USP29: variants seen among roughly 807,000 people sequenced by gnomAD.
The protein encoded by USP29 is ubiquitin specific peptidase 29, also known as ubiquitin carboxyl-terminal hydrolase 29.
For missense variants in USP29, 1,102 were observed against 1,069.0 expected, an observed-to-expected ratio of 1.03 and a Z score of -0.43; for synonymous variants, 386 against 387.4, an observed-to-expected ratio of 1.00 and a Z score of 0.04.
At chr19:57,119,903 G>C (rs2086784534), upstream of USP29, 1 of 152,298 alleles carries the variant, frequency 6.6e-6, no homozygotes, top group African/African-American at 2.4e-5. Flanking sequence ...ATGTGCCCCG[G>C]CCACGCTAGA....
chr19:57,130,096 ATCTTT>A lies in USP29; in HGVS notation c.1427_1431del (p.Phe476Ter). On this transcript the variant is annotated frameshift_variant, in exon 4 of 4. Transcript: ENST00000254181. LOFTEE classifies it low-confidence loss of function (END_TRUNC). ...CCTTTGTCCATTCAGAATTCTTTAG[ATCTTT>A]TCTTTAAAGAAGAAGAGCTTGAATA... The A allele has an allele frequency of 3.7e-6, 6 of 1,613,516 alleles. No homozygotes were observed. Among genetic ancestry groups the A allele is most frequent in the Non-Finnish European group, 5.1e-6 (6 of 1,179,876 alleles).
In USP29 at chr19:57,131,106, A is replaced by G. The variant is rs1259680821; in HGVS notation, c.2431A>G (p.Thr811Ala). 6.2e-7 allele frequency: 1 copy of G among 1,614,228 alleles called. No individual in the cohort carries two copies. Among genetic ancestry groups the G allele is most frequent in the Admixed American group, 1.7e-5 (1 of 60,026 alleles). ...ENTRGEAKELTRNVKMGDPLQ... is the reference protein window; with the variant it reads ...ENTRGEAKELARNVKMGDPLQ... The stretch of plus-strand genomic sequence containing the variant: ...CACAAGAGGTGAAGCCAAGGAACTA[A>G]CAAGAAACGTGAAGATGGGGGATCC... Residue 811 changes from threonine (T) to alanine (A), a missense_variant, in exon 4 of 4, where the codon ACA becomes GCA. By Grantham distance (58) the Thr-to-Ala change is moderately conservative (BLOSUM62 0). Coordinates refer to ENST00000254181, the MANE Select transcript of USP29 (RefSeq NM_020903.3).
rs1327278636 is a variant in USP29, at chr19:57,131,583, G to T, written c.*139G>T. 1.4e-6 allele frequency: 2 copies of T among 1,384,754 alleles called. No individual in the cohort carries two copies. Among genetic ancestry groups the T allele is most frequent in the African/African-American group, 2.9e-5 (2 of 68,978 alleles). 85.8% of individuals were successfully genotyped at this position (1,384,754 alleles called of 1,614,324 possible). A position where few individuals can be genotyped will look rare whatever the true frequency, so the allele number is the denominator to read the frequency against. ...TCAATGAAAAACACTTATTTTGGGGGAATATCTATTTTAACTGCTTCAGAC... is the reference window on the plus strand; with the variant it reads ...TCAATGAAAAACACTTATTTTGGGGTAATATCTATTTTAACTGCTTCAGAC... On this transcript the variant is annotated 3_prime_UTR_variant, in exon 4 of 4. Coordinates refer to ENST00000254181, the MANE Select transcript of USP29 (RefSeq NM_020903.3).
Position 57,130,450 on chromosome 19 carries a change from T to C in USP29, c.1775T>C (p.Val592Ala), listed in dbSNP as rs746026163. ...KLTSESSDSL[V>A]LPVEPDKNAD... ...ACCTCAGAATCCAGTGATTCCCTGG[T>C]TCTACCCGTTGAACCAGACAAGAAT... The change falls in exon 4 of 4, where the codon GTT becomes GCT. Residue 592 changes from valine (V) to alanine (A), a missense_variant. Transcript: ENST00000254181. 23 of 1,614,058 alleles carry C rather than the reference T, an allele frequency of 1.4e-5. No homozygotes were observed. In the Admixed American group the frequency reaches 1.8e-4, roughly 13 times the overall value.
At chr19:57,121,952 A>AATAG (rs35338518) in intron 1 of USP29, among the ~76,000 whole-genome samples, 263 of 149,076 alleles carry the variant, frequency 1.8e-3, no homozygotes, top group South Asian at 4.0e-3. Flanking sequence ...TCTATTAAAA[A>AATAG]ATAGATAGAT....
rs2086861933 is a variant in USP29, at chr19:57,131,591, A to C, written c.*147A>C. On this transcript the variant is annotated 3_prime_UTR_variant, in exon 4 of 4. Coordinates refer to ENST00000254181, the MANE Select transcript of USP29 (RefSeq NM_020903.3). ...AAACACTTATTTTGGGGGAATATCT[A>C]TTTTAACTGCTTCAGACACCTAGAT... 1.5e-6 allele frequency: 2 copies of C among 1,314,170 alleles called. No individual in the cohort carries two copies. Among genetic ancestry groups the C allele is most frequent in the South Asian group, 1.6e-5 (1 of 61,862 alleles). The allele number at this position is 1,314,170 out of a possible 1,614,324, so 81.4% of individuals were successfully genotyped here. A position where few individuals can be genotyped will look rare whatever the true frequency, so the allele number is the denominator to read the frequency against.
rs2086855109 is a variant in USP29 at position 57,130,852 on chromosome 19, G to C, written c.2177G>C (p.Gly726Ala). 6.2e-7 allele frequency: 1 copy of C among 1,614,158 alleles called. No individual in the cohort carries two copies. Among genetic ancestry groups the C allele is most frequent in the Non-Finnish European group, 8.5e-7 (1 of 1,180,044 alleles). Reference sequence around the variant, plus strand: ...TGTAAAGAAAACAGGATTCCAGAAGGATCTCAAGGAATGGCTGAACAGCTC... The same window carrying C: ...TGTAAAGAAAACAGGATTCCAGAAGCATCTCAAGGAATGGCTGAACAGCTC... ...YDCKENRIPE[G>A]SQGMAEQLQQ... Residue 726 changes from glycine to alanine, a missense_variant, in exon 4 of 4, where the codon GGA becomes GCA. Physicochemically the swap from Gly to Ala is moderately conservative, Grantham distance 60 (BLOSUM62 0). Coordinates refer to ENST00000254181, the MANE Select transcript of USP29 (RefSeq NM_020903.3).
At position 57,130,019 on chromosome 19, in the gene USP29, A is replaced by G; in HGVS notation, c.1344A>G (p.Val448=). The G allele has an allele frequency of 1.2e-6, 2 of 1,614,204 alleles. No individual in the cohort carries two copies. Among genetic ancestry groups the G allele is most frequent in the Non-Finnish European group, 1.7e-6 (2 of 1,180,032 alleles). ...CTTGTGGTCATGCTGTTCTCAAGGTAGAACCTAATAATTATCTCTCCATCA... is the reference window on the plus strand; with the variant it reads ...CTTGTGGTCATGCTGTTCTCAAGGTGGAACCTAATAATTATCTCTCCATCA... The part of the protein sequence containing the change: ...CKACGHAVLK[V]EPNNYLSINL... Residue 448 remains valine (V), a synonymous_variant, in exon 4 of 4, where the codon GTA becomes GTG. Coordinates refer to ENST00000254181, the MANE Select transcript of USP29 (RefSeq NM_020903.3).
intron 1 of USP29, among the ~76,000 whole-genome samples, chr19:57,121,830 A>G (rs1412673492): frequency 6.6e-6 from 1 of 151,558 alleles, no homozygotes; most frequent in African/African-American, 2.4e-5. Context: ...GGACTTGAAC[A>G]TGTCTGGGCA....
chr19:57,126,275 C>G (rs1218061942), intron 3 of USP29, among the ~76,000 whole-genome samples: 1 of 152,110 alleles, frequency 6.6e-6, no homozygotes, highest in South Asian at 2.1e-4. Flanking sequence ...GTGGTATTCT[C>G]TGCATTTCCT....
rs1568456431 is a variant in USP29, at chr19:57,130,276, C to CT, written c.1604dup (p.Leu535PhefsTer9). ...AACGAGCAAGTTTATATTCCCAAAT[C>CT]TTTAAGTTTATCTTCTTATTGCAAT... is the stretch of plus-strand genomic sequence containing the variant. On this transcript the variant is annotated frameshift_variant, in exon 4 of 4. Transcript: ENST00000254181. LOFTEE classifies it low-confidence loss of function (END_TRUNC). The CT allele has an allele frequency of 4.3e-6, 7 of 1,614,082 alleles. No individual in the cohort carries two copies. Among genetic ancestry groups the CT allele is most frequent in the Non-Finnish European group, 1.7e-6 (2 of 1,180,016 alleles).
At chr19:57,122,223 G>C (rs150693090) in intron 1 of USP29, 102 bp from the exon 2 acceptor site, 1 of 152,054 alleles carries the variant, frequency 6.6e-6, no homozygotes, top group African/African-American at 2.4e-5. Context: ...ATCAAGAAAC[G>C]TATTTCCTGG....
In USP29 at chr19:57,131,607, A is replaced by G; in HGVS notation, c.*163A>G. ...GGAATATCTATTTTAACTGCTTCAG[A>G]CACCTAGATCCCAGAACTCAGGCGC... On this transcript the variant is annotated 3_prime_UTR_variant, in exon 4 of 4. Coordinates refer to ENST00000254181, the MANE Select transcript of USP29 (RefSeq NM_020903.3). 8.6e-7 allele frequency: 1 copy of G among 1,157,940 alleles called. No individual in the cohort carries two copies. The highest frequency in any genetic ancestry group is 1.2e-6 in the Non-Finnish European group (1 of 831,280). The allele number at this position is 1,157,940 out of a possible 1,614,324, so 71.7% of individuals were successfully genotyped here. A position where few individuals can be genotyped will look rare whatever the true frequency, so the allele number is the denominator to read the frequency against.
At position 57,130,910 on chromosome 19, in the gene USP29, A is replaced by T; in HGVS notation, c.2235A>T (p.Glu745Asp). The T allele has an allele frequency of 6.2e-7, 1 of 1,614,150 alleles. No individual in the cohort carries two copies. The highest frequency in any genetic ancestry group is 8.5e-7 in the Non-Finnish European group (1 of 1,180,024). The part of the protein sequence containing the change: ...QQCIEESIID[E>D]FLQQAPPPGV... ...GTATTGAGGAGAGCATCATAGATGA[A>T]TTTCTTCAGCAGGCACCACCTCCAG... is the stretch of plus-strand genomic sequence containing the variant. Residue 745 changes from glutamate (E) to aspartate (D), a missense_variant, in exon 4 of 4, where the codon GAA becomes GAT. Transcript: ENST00000254181.
chr19:57,129,640 A>G lies in USP29; in HGVS notation c.965A>G (p.Tyr322Cys). ...CTCACTCAAGGTGTCCCATGGGAAT[A>G]TATTCCCTTTGAGGCTCTTATTATG... ...DLLTQGVPWE[Y>C]IPFEALIMTL... The change falls in exon 4 of 4, where the codon TAT becomes TGT. Residue 322 changes from tyrosine to cysteine, a missense_variant. Transcript: ENST00000254181. The G allele has an allele frequency of 6.2e-7, 1 of 1,614,218 alleles. No individual in the cohort carries two copies. The highest frequency in any genetic ancestry group is 8.5e-7 in the Non-Finnish European group (1 of 1,180,040).
At position 57,130,382 on chromosome 19, in the gene USP29, G is replaced by T. The variant is rs1405143307; in HGVS notation, c.1707G>T (p.Met569Ile). 1 of 1,614,174 alleles carries T rather than the reference G, an allele frequency of 6.2e-7. No individual in the cohort carries two copies. Among genetic ancestry groups the T allele is most frequent in the Non-Finnish European group, 8.5e-7 (1 of 1,180,018 alleles). Reference sequence around the variant, plus strand: ...AAGTCCTGGAAGTCTCTCAGGAGATGATTTCTGAGATCAACAGCCCATTGA... The same window carrying T: ...AAGTCCTGGAAGTCTCTCAGGAGATTATTTCTGAGATCAACAGCCCATTGA... ...KCEVLEVSQE[M>I]ISEINSPLTP... The change falls in exon 4 of 4, where the codon ATG becomes ATT. Residue 569 changes from methionine (M) to isoleucine (I), a missense_variant. Physicochemically the swap from Met to Ile is conservative, Grantham distance 10. Coordinates refer to ENST00000254181, the MANE Select transcript of USP29 (RefSeq NM_020903.3).
At chr19:57,119,534 T>C (rs557226266), upstream of USP29, among the ~76,000 whole-genome samples, 3 of 152,310 alleles carry the variant, frequency 2.0e-5, no homozygotes, top group East Asian at 3.9e-4. Context: ...GCGATTCTCC[T>C]GCCTCAGCCT....
At position 57,129,129 on chromosome 19, in the gene USP29, A is replaced by G. The variant is rs1346563247; in HGVS notation, c.454A>G (p.Lys152Glu). ...SYQKMPLFMSKSPTHVKKGIL... is the reference protein window; with the variant it reads ...SYQKMPLFMSESPTHVKKGIL... ...TCAGAAGATGCCTTTGTTTATGTCA[A>G]AATCACCAACACATGTGAAAAAGGG... Residue 152 changes from lysine (K) to glutamate (E), a missense_variant, in exon 4 of 4, where the codon AAA (lysine) becomes GAA (glutamate). Coordinates refer to ENST00000254181, the MANE Select transcript of USP29 (RefSeq NM_020903.3). 6.2e-7 allele frequency: 1 copy of G among 1,613,396 alleles called. No homozygotes were observed. The highest frequency in any genetic ancestry group is 8.5e-7 in the Non-Finnish European group (1 of 1,179,674).
At position 57,127,381 on chromosome 19, in the gene USP29, C is replaced by G. The variant is rs147270341; in HGVS notation, c.-16-1279C>G. Among the ~76,000 whole-genome samples, 85 of 152,350 alleles carry G rather than the reference C, an allele frequency of 5.6e-4. 2 individuals carry two copies. The East Asian group carries it at 0.012, about 21-fold the overall frequency. Reference sequence around the variant, plus strand: ...TAAATCTGCTGAAGCTGTGTGCCCACAGCCACCCCTTCCCCCAGGTGCTCT... The same window carrying G: ...TAAATCTGCTGAAGCTGTGTGCCCAGAGCCACCCCTTCCCCCAGGTGCTCT... On this transcript the variant is annotated intron_variant, in intron 3 of 3. Coordinates refer to ENST00000254181, the MANE Select transcript of USP29 (RefSeq NM_020903.3).
Sources: gnomAD v4.1 joint callset for allele counts (sites outside exome capture counted in the v4.1 genomes callset) on GRCh38, gnomAD v4.1.1 for gene constraint, MANE v1.5 for transcripts, NCBI Gene and HGNC (gene_info 2026-07-23, HGNC 2026-07-21) for gene names.